The following TF variants were observed in gnomAD, a reference collection of about 807,000 sequenced individuals.
The protein encoded by TF is serotransferrin.
TF carries 55 observed loss-of-function variants against 82.4 expected under a neutral mutation model. That is an observed-to-expected ratio of 0.67 (90% CI 0.54 to 0.84). TF has a LOEUF of 0.84. Among genes scored for constraint, TF ranks in the 40% least tolerant of loss-of-function variants. The probability of loss-of-function intolerance (pLI) is 0.00; values close to 1 mark genes in which losing one functional copy is unlikely to be tolerated. For synonymous variants in TF, 332 were observed against 332.6 expected, an observed-to-expected ratio of 1.00 and a Z score of 0.02; for missense variants, 737 against 868.4, an observed-to-expected ratio of 0.85 and a Z score of 1.90.
chr3:133,761,553 A>G (rs577153485), intron 9 of TF: 2 of 152,404 alleles, frequency 1.3e-5, no homozygotes, highest in South Asian at 4.1e-4. Flanking sequence ...CTGGGTTGAG[A>G]CCAACACTGA....
rs927524640 is a variant in TF at position 133,779,367 on chromosome 3, A to C, written c.*747A>C. On this transcript the variant is annotated 3_prime_UTR_variant, in exon 17 of 17. Coordinates refer to ENST00000402696, the MANE Select transcript of TF (RefSeq NM_001063.4). ...CAGAATTTGGTCTTCTGCTTCACCA[A>C]CTTACCTGAATGTACCCTGGCAAAA... is the stretch of plus-strand genomic sequence containing the variant. The C allele has an allele frequency of 6.6e-6, 1 of 152,104 alleles. No individual in the cohort carries two copies. The allele number at this position is 152,104 out of a possible 1,614,324, so 9.4% of individuals were successfully genotyped here.
the TF span, among the ~76,000 whole-genome samples, chr3:133,724,741 C>A: frequency 2.0e-5 from 3 of 152,198 alleles, no homozygotes; most frequent in Non-Finnish European, 1.5e-5. Context: ...ATGCCTATGT[C>A]CTGAATGGTA....
At chr3:133,749,043 C>G (rs893328322) in intron 2 of TF, among the ~76,000 whole-genome samples, 1 of 152,090 alleles carries the variant, frequency 6.6e-6, no homozygotes, top group African/African-American at 2.4e-5. Flanking sequence ...TGCCTGTAAT[C>G]CCAGCTACTT....
chr3:133,664,943 A>C, the TF span: 2 of 152,012 alleles, frequency 1.3e-5, no homozygotes, highest in African/African-American at 4.8e-5. Flanking sequence ...CTTTGGCAGC[A>C]TGTTTACTGA....
chr3:133,749,832 T>G (rs2107908727), intron 2 of TF, among the ~76,000 whole-genome samples: 1 of 152,198 alleles, frequency 6.6e-6, no homozygotes, highest in South Asian at 2.1e-4. Context: ...GGCTCCATTC[T>G]GATTTGTGCA....
the TF span, among the ~76,000 whole-genome samples, chr3:133,726,348 C>G: frequency 1.3e-5 from 2 of 152,132 alleles, no homozygotes; most frequent in Non-Finnish European, 2.9e-5. Flanking sequence ...TGTTATTGGT[C>G]TATTCAGAGA....
At chr3:133,681,742 C>G in the TF span, among the ~76,000 whole-genome samples, 1 of 152,222 alleles carries the variant, frequency 6.6e-6, no homozygotes, top group Non-Finnish European at 1.5e-5. Flanking sequence ...CTCAAGGAGG[C>G]CTGCCTGCCT....
chr3:133,700,988 C>T, the TF span: 3 of 152,560 alleles, frequency 2.0e-5, no homozygotes, highest in African/African-American at 7.2e-5. Context: ...ATGGTCCCAC[C>T]TAAGATAGAT....
the TF span, among the ~76,000 whole-genome samples, chr3:133,740,986 A>AT: frequency 0.039 from 1,846 of 47,508 alleles, 233 homozygotes; most frequent in African/African-American, 0.13. Flanking sequence ...ATCCAGCTCT[A>AT]TTTTTTTTTT....
At chr3:133,718,265 G>T in the TF span, among the ~76,000 whole-genome samples, 2 of 152,134 alleles carry the variant, frequency 1.3e-5, no homozygotes, top group Non-Finnish European at 2.9e-5. Context: ...AACAGGGAAA[G>T]GTTCTAATTG....
chr3:133,782,106 A>G lies in TF; in HGVS notation c.*3486A>G, dbSNP rs375246149. ...TTGAAACCATTATGAGACACTAGAT[A>G]ATAATAGGATGACTATTATCAAAAA... On this transcript the variant is annotated 3_prime_UTR_variant, in exon 17 of 17. Transcript: ENST00000402696. The G allele has an allele frequency of 1.3e-5, 2 of 152,238 alleles. No homozygotes were observed. Among genetic ancestry groups the G allele is most frequent in the South Asian group, 2.1e-4 (1 of 4,832 alleles). 9.4% of individuals were successfully genotyped at this position (152,238 alleles called of 1,614,324 possible).
chr3:133,702,483 T>C, the TF span, among the ~76,000 whole-genome samples: 2 of 151,986 alleles, frequency 1.3e-5, no homozygotes, highest in Admixed American at 1.3e-4. Flanking sequence ...AAAATAGGGC[T>C]GCAGTGAGCC....
chr3:133,724,593 C>A, the TF span, among the ~76,000 whole-genome samples: 1 of 152,176 alleles, frequency 6.6e-6, no homozygotes, highest in East Asian at 1.9e-4. Flanking sequence ...AATTTTCTCC[C>A]ATTTTGTAGG....
At chr3:133,766,143 G>A (rs1055590083) in intron 11 of TF, 135 bp from the exon 12 acceptor site, 2 of 882,594 alleles carry the variant, frequency 2.3e-6, no homozygotes, top group Admixed American at 1.7e-5. Flanking sequence ...CCCTCAGTCA[G>A]ATACTGGGAA....
intron 4 of TF, 118 bp from the exon 5 acceptor site, chr3:133,755,245 T>C: frequency 7.6e-7 from 1 of 1,311,582 alleles, no homozygotes; most frequent in Non-Finnish European, 1.1e-6. Context: ...AAGCTGGGGC[T>C]GCATGTGCTG....
the TF span, among the ~76,000 whole-genome samples, chr3:133,718,382 G>A: frequency 6.6e-6 from 1 of 152,102 alleles, no homozygotes; most frequent in African/African-American, 2.4e-5. Context: ...TCTGTACCTG[G>A]ACGGCAGAAG....
rs1934945290 is a variant in TF, at chr3:133,795,570, A to ATTTC, written c.*16953_*16954insCTTT. ...GTGAGAACCTGACCAAAAAAGTGGAATTTTTTTTTTTTTTTTTTTTTTTGA... is the reference window on the plus strand; with the variant it reads ...GTGAGAACCTGACCAAAAAAGTGGAATTTCTTTTTTTTTTTTTTTTTTTTTTTGA... On this transcript the variant is annotated 3_prime_UTR_variant, in exon 17 of 17. Coordinates refer to ENST00000402696, the MANE Select transcript of TF (RefSeq NM_001063.4). The ATTTC allele has an allele frequency of 2.0e-5, 2 of 98,328 alleles. No homozygotes were observed. Among genetic ancestry groups the ATTTC allele is most frequent in the African/African-American group, 8.5e-5 (2 of 23,594 alleles). 6.1% of individuals were successfully genotyped at this position (98,328 alleles called of 1,614,324 possible).
the TF span, among the ~76,000 whole-genome samples, chr3:133,690,759 G>A: frequency 5.3e-5 from 8 of 152,164 alleles, no homozygotes; most frequent in Non-Finnish European, 1.2e-4. Flanking sequence ...AAAGAAAGAT[G>A]TATGTAAAGT....
chr3:133,716,659 A>T, the TF span, among the ~76,000 whole-genome samples: 1 of 152,042 alleles, frequency 6.6e-6, no homozygotes, highest in Non-Finnish European at 1.5e-5. Flanking sequence ...CTCCTCCACA[A>T]CACATGAGCC....
Sources: allele counts gnomAD v4.1 joint callset (sites outside exome capture counted in the v4.1 genomes callset), GRCh38; gene constraint gnomAD v4.1.1; transcripts MANE v1.5; gene names NCBI Gene and HGNC (gene_info 2026-07-23, HGNC 2026-07-21).